LIPF: variants seen among roughly 807,000 people sequenced by gnomAD.
LIPF encodes the protein gastric triacylglycerol lipase.
A neutral mutation model predicts 38.0 loss-of-function variants in LIPF; 25 were observed. That is an observed-to-expected ratio of 0.66 (90% CI 0.48 to 0.92). The LOEUF is 0.92. Ranked by LOEUF, LIPF falls within the 40% of genes least tolerant of loss-of-function variation. The probability of loss-of-function intolerance (pLI) is 0.00; values close to 1 mark genes in which losing one functional copy is unlikely to be tolerated. For synonymous variants in LIPF, 161 were observed against 156.2 expected, an observed-to-expected ratio of 1.03 and a Z score of -0.23; for missense variants, 410 against 469.9, an observed-to-expected ratio of 0.87 and a Z score of 1.18.
chr10:88,667,344 C>T lies in LIPF; in HGVS notation c.47C>T (p.Thr16Ile). Residue 16 changes from threonine (T) to isoleucine (I), a missense_variant, in exon 2 of 10, where the codon ACT (threonine) becomes ATT (isoleucine). Transcript: ENST00000238983. Reference sequence around the variant, plus strand: ...GCAAGTTTGATATCTGTACTGGGGACTACACATGGTTTGTTTGGAAAATTA... The same window carrying T: ...GCAAGTTTGATATCTGTACTGGGGATTACACATGGTTTGTTTGGAAAATTA... ...TMASLISVLGTTHGLFGKLHP... is the reference protein window; with the variant it reads ...TMASLISVLGITHGLFGKLHP... 6.2e-7 allele frequency: 1 copy of T among 1,613,500 alleles called. No homozygotes were observed. Among genetic ancestry groups the T allele is most frequent in the Admixed American group, 1.7e-5 (1 of 59,988 alleles).
chr10:88,672,102 T>C, intron 6 of LIPF, 137 bp downstream of exon 6: 2 of 824,276 alleles, frequency 2.4e-6, no homozygotes, highest in Non-Finnish European at 3.7e-6. Context: ...GCATCTGTAT[T>C]ATTTCTTCCA....
At chr10:88,665,347 C>T in intron 1 of LIPF, 1 of 517,216 alleles carries the variant, frequency 1.9e-6, no homozygotes, top group Non-Finnish European at 3.5e-6. Context: ...GAGAAATGTA[C>T]TATTACAGGC....
intron 9 of LIPF, among the ~76,000 whole-genome samples, chr10:88,677,295 TG>T (rs1459962428): frequency 4.6e-5 from 7 of 152,298 alleles, no homozygotes; most frequent in African/African-American, 1.4e-4. Flanking sequence ...CACACAGGCT[TG>T]CTTTGAGTCT....
At chr10:88,671,475 CATT>C (rs1437969517) in intron 5 of LIPF, among the ~76,000 whole-genome samples, 1 of 152,118 alleles carries the variant, frequency 6.6e-6, no homozygotes, top group Non-Finnish European at 1.5e-5. Context: ...TTAATTATCT[CATT>C]GTAATGAGAT....
intron 9 of LIPF, 81 bp from the exon 10 acceptor site, chr10:88,678,364 T>A (rs1474694432): frequency 1.3e-5 from 13 of 1,022,732 alleles, no homozygotes; most frequent in Non-Finnish European, 1.6e-6. Flanking sequence ...CCAGTTAATG[T>A]TATACACTCT....
chr10:88,667,576 T>G lies in LIPF; in HGVS notation c.113T>G (p.Met38Arg). ...SPEVTMNISQ[M>R]ITYWGYPNEE... ...TTGGGTTTGCTTCCTCAGAGTCAGA[T>G]GATTACTTATTGGGGATACCCAAAT... The change falls in exon 3 of 10, where the codon ATG (methionine) becomes AGG (arginine). Residue 38 changes from methionine (M) to arginine (R), a missense_variant. Physicochemically the swap from Met to Arg is moderately conservative, Grantham distance 91 (BLOSUM62 -1). Coordinates refer to ENST00000238983, the MANE Select transcript of LIPF (RefSeq NM_004190.4). The G allele has an allele frequency of 6.4e-7, 1 of 1,561,454 alleles. No individual in the cohort carries two copies. The highest frequency in any genetic ancestry group is 1.1e-5 in the South Asian group (1 of 88,618).
At chr10:88,677,582 A>T (rs1841707188) in intron 9 of LIPF, among the ~76,000 whole-genome samples, 2 of 152,246 alleles carry the variant, frequency 1.3e-5, no homozygotes, top group South Asian at 4.1e-4. Context: ...AATAGAAATC[A>T]TGAAAATATT....
In LIPF at chr10:88,678,753, T is replaced by C. The variant is rs1841728703; in HGVS notation, c.*72T>C. On this transcript the variant is annotated 3_prime_UTR_variant, in exon 10 of 10. Transcript: ENST00000238983. Reference sequence around the variant, plus strand: ...TCTCTCATACATAGTATTTTCATAATGTTTGACATGCAGTGCTTCTTTCTG... The same window carrying C: ...TCTCTCATACATAGTATTTTCATAACGTTTGACATGCAGTGCTTCTTTCTG... 1 of 985,508 alleles carries C rather than the reference T, an allele frequency of 1.0e-6. No individual in the cohort carries two copies. Among genetic ancestry groups the C allele is most frequent in the Non-Finnish European group, 1.6e-6 (1 of 643,100 alleles). 61.0% of individuals were successfully genotyped at this position (985,508 alleles called of 1,614,324 possible). A position where few individuals can be genotyped will look rare whatever the true frequency, so the allele number is the denominator to read the frequency against.
chr10:88,676,026 T>C (rs922288214), intron 8 of LIPF, among the ~76,000 whole-genome samples, 183 bp from the exon 9 acceptor site: 4 of 152,182 alleles, frequency 2.6e-5, no homozygotes, highest in African/African-American at 4.8e-5. Flanking sequence ...AAAATTATTT[T>C]GAGTGAAGCT....
rs746470750 is a variant in LIPF at position 88,669,885 on chromosome 10, T to C, written c.471T>C (p.Ile157=). ...KYDLPATIDF[I]VKKTGQKQLH... ...ACCTTCCAGCCACAATCGACTTCATTGTAAAGAAAACTGGACAGAAGCAGC... is the reference window on the plus strand; with the variant it reads ...ACCTTCCAGCCACAATCGACTTCATCGTAAAGAAAACTGGACAGAAGCAGC... Residue 157 remains isoleucine (I), a synonymous_variant, in exon 5 of 10, where the codon ATT becomes ATC. Transcript: ENST00000238983. The C allele has an allele frequency of 6.2e-7, 1 of 1,613,764 alleles. No individual in the cohort carries two copies. Among genetic ancestry groups the C allele is most frequent in the Non-Finnish European group, 8.5e-7 (1 of 1,179,724 alleles).
rs1841675221 is a variant in LIPF at position 88,675,642 on chromosome 10, G to C, written c.873G>C (p.Met291Ile). Residue 291 changes from methionine (M) to isoleucine (I), a missense_variant, in exon 8 of 10, where the codon ATG (methionine) becomes ATC (isoleucine). Physicochemically the swap from Met to Ile is conservative, Grantham distance 10 (BLOSUM62 1). Transcript: ENST00000238983. The stretch of plus-strand genomic sequence containing the variant: ...CAGCAGGAACTTCTGTTCAAAACAT[G>C]TTCCATTGGACCCAGGTATTCTTTT... ...HNPAGTSVQN[M>I]FHWTQAVKSG... 1 of 1,566,908 alleles carries C rather than the reference G, an allele frequency of 6.4e-7. No homozygotes were observed. The highest frequency in any genetic ancestry group is 1.1e-5 in the South Asian group (1 of 90,190).
At position 88,669,968 on chromosome 10, in the gene LIPF, C is replaced by T. The variant is rs750205447; in HGVS notation, c.532+22C>T. On this transcript the variant is annotated intron_variant, in intron 5 of 9. Transcript: ENST00000238983. ...ATTGGTAAGTAATGGCAGTCAAGGC[C>T]AAGTGGTTTACTTCTCATAAACACT... The T allele has an allele frequency of 4.2e-5, 63 of 1,494,680 alleles. No homozygotes were observed. The Admixed American group carries it at 1.1e-3, about 25-fold the overall frequency. The allele number at this position is 1,494,680 out of a possible 1,614,324, so 92.6% of individuals were successfully genotyped here. A position where few individuals can be genotyped will look rare whatever the true frequency, so the allele number is the denominator to read the frequency against.
intron 5 of LIPF, 36 bp downstream of exon 5, chr10:88,669,982 C>T (rs1393610571): frequency 1.5e-6 from 2 of 1,326,686 alleles, no homozygotes; most frequent in Admixed American, 3.6e-5. Context: ...TGGTTTACTT[C>T]TCATAAACAC....
intron 6 of LIPF, among the ~76,000 whole-genome samples, chr10:88,673,316 G>A (rs1841632651): frequency 6.6e-6 from 1 of 152,092 alleles, no homozygotes; most frequent in Non-Finnish European, 1.5e-5. Flanking sequence ...ACCCCAACTA[G>A]ATTGTAACTC....
chr10:88,676,419 C>T (rs979030790), intron 9 of LIPF, 139 bp downstream of exon 9: 11 of 621,416 alleles, frequency 1.8e-5, no homozygotes, highest in Non-Finnish European at 2.8e-5. Context: ...TCCCACATGA[C>T]TATGCATTCC....
chr10:88,668,530 T>C (rs750860400), intron 3 of LIPF, 28 bp from the exon 4 acceptor site: 8 of 1,603,442 alleles, frequency 5.0e-6, no homozygotes, highest in Non-Finnish European at 6.0e-6. Flanking sequence ...AATACATTTA[T>C]AAAGTTTATA....
At chr10:88,672,506 G>T (rs1012793076) in intron 6 of LIPF, among the ~76,000 whole-genome samples, 1 of 152,018 alleles carries the variant, frequency 6.6e-6, no homozygotes, top group African/African-American at 2.4e-5. Context: ...ATAAGTCAGT[G>T]GTGTGGATTT....
intron 1 of LIPF, chr10:88,665,497 T>A (rs1234200200): frequency 2.0e-6 from 3 of 1,519,712 alleles, no homozygotes; most frequent in Non-Finnish European, 2.6e-6. Flanking sequence ...AACAAGCATT[T>A]TGAGAAATTT....
chr10:88,670,341 A>G (rs1841575884), intron 5 of LIPF, among the ~76,000 whole-genome samples: 1 of 152,232 alleles, frequency 6.6e-6, no homozygotes, highest in Non-Finnish European at 1.5e-5. Flanking sequence ...TTTATACTCT[A>G]GAGATAGGAG....
Sources: gnomAD v4.1 joint callset for allele counts (sites outside exome capture counted in the v4.1 genomes callset) on GRCh38, gnomAD v4.1.1 for gene constraint, MANE v1.5 for transcripts, NCBI Gene and HGNC (gene_info 2026-07-23, HGNC 2026-07-21) for gene names.